SP140: variants seen among roughly 807,000 people sequenced by gnomAD.
SP140 encodes SP140 nuclear body protein.
In SP140, 81 loss-of-function variants were observed where a neutral mutation model predicts 125.0. That is an observed-to-expected ratio of 0.65 (90% confidence interval 0.54 to 0.78). The LOEUF (loss-of-function observed/expected upper bound fraction) is 0.78, where lower values mean the gene tolerates loss of function less well. SP140 is among the 30% of genes least tolerant of loss of function. The pLI is 0.00. For missense variants in SP140, 858 were observed against 1,037.0 expected, an observed-to-expected ratio of 0.83 and a Z score of 2.37; for synonymous variants, 312 against 354.0, an observed-to-expected ratio of 0.88 and a Z score of 1.33.
At chr2:230,277,945 T>G (rs2054967137) in intron 15 of SP140, among the ~76,000 whole-genome samples, 1 of 152,168 alleles carries the variant, frequency 6.6e-6, no homozygotes, top group Non-Finnish European at 1.5e-5. Flanking sequence ...AATGAACATG[T>G]GGATGCAGAT....
In SP140 at chr2:230,211,050, A is replaced by C. The variant is rs1044603152; in HGVS notation, c.-322-2604A>C. Among the ~76,000 whole-genome samples, 1 of 152,102 alleles carries C rather than the reference A, an allele frequency of 6.6e-6. No individual in the cohort carries two copies. The highest frequency in any genetic ancestry group is 2.4e-5 in the African/African-American group (1 of 41,436). Reference sequence around the variant, plus strand: ...AGCCGTTTTGAGCACTACTTTATTGAAGTGGCCTCAGAAGAGTGGCTCTGT... The same window carrying C: ...AGCCGTTTTGAGCACTACTTTATTGCAGTGGCCTCAGAAGAGTGGCTCTGT... On this transcript the variant is annotated intron_variant, in intron 1 of 4. Coordinates refer to the SP140 transcript ENST00000456542. This position sits in a 1 kb window ranked among gnomAD's most constrained non-coding sequence, Gnocchi z 4.2.
At chr2:230,289,288 C>T (rs984996247) in intron 18 of SP140, among the ~76,000 whole-genome samples, 2 of 152,102 alleles carry the variant, frequency 1.3e-5, no homozygotes, top group African/African-American at 2.4e-5. Flanking sequence ...CTGTTCATAT[C>T]CTTTGCCCAC....
chr2:230,312,735 C>A lies in SP140; in HGVS notation c.*51C>A, dbSNP rs1387611701. 1 of 1,385,548 alleles carries A rather than the reference C, an allele frequency of 7.2e-7. No individual in the cohort carries two copies. The highest frequency in any genetic ancestry group is 1.0e-6 in the Non-Finnish European group (1 of 977,040). The allele number at this position is 1,385,548 out of a possible 1,614,324, so 85.8% of individuals were successfully genotyped here. A position where few individuals can be genotyped will look rare whatever the true frequency, so the allele number is the denominator to read the frequency against. ...TCAGCAAATGGCACCCTAAAATATGCCGCTGGTTTGCCACTGACTTCAAAA... is the reference window on the plus strand; with the variant it reads ...TCAGCAAATGGCACCCTAAAATATGACGCTGGTTTGCCACTGACTTCAAAA... On this transcript the variant is annotated 3_prime_UTR_variant, in exon 27 of 27. Transcript: ENST00000392045.
intron 11 of SP140, among the ~76,000 whole-genome samples, chr2:230,254,218 C>A (rs551681968): frequency 6.6e-6 from 1 of 152,256 alleles, no homozygotes; most frequent in South Asian, 2.1e-4. Context: ...ATGAAGAGTG[C>A]AAACTATGTC....
intron 1 of SP140, among the ~76,000 whole-genome samples, chr2:230,204,056 G>T (rs1468377781): frequency 6.6e-6 from 1 of 152,126 alleles, no homozygotes; most frequent in African/African-American, 2.4e-5. Flanking sequence ...AAAATTAAAA[G>T]CACATCATCT....
the SP140 span, among the ~76,000 whole-genome samples, chr2:230,194,995 G>A: frequency 6.6e-6 from 1 of 152,062 alleles, no homozygotes. Flanking sequence ...GGTCAGGTGA[G>A]GGGCCTGATA....
chr2:230,275,931 G>A (rs1275738256), intron 15 of SP140, among the ~76,000 whole-genome samples: 1 of 152,134 alleles, frequency 6.6e-6, no homozygotes, highest in Admixed American at 6.5e-5. Context: ...CCAGAGTGAG[G>A]CCTAAACTCT....
At chr2:230,313,605 G>A (rs1445748663), downstream of SP140, among the ~76,000 whole-genome samples, 2 of 152,200 alleles carry the variant, frequency 1.3e-5, no homozygotes, top group Admixed American at 1.3e-4. Flanking sequence ...ACTCCCTTCT[G>A]AGCGAACCCT....
intron 15 of SP140, among the ~76,000 whole-genome samples, chr2:230,282,172 T>C (rs1484226377): frequency 1.3e-5 from 2 of 152,196 alleles, no homozygotes; most frequent in Non-Finnish European, 2.9e-5. Flanking sequence ...GCAAATCTCC[T>C]CTGGGGATCT....
At chr2:230,215,089 G>A (rs1399921775) in intron 3 of SP140, 1 of 1,613,806 alleles carries the variant, frequency 6.2e-7, no homozygotes, top group Admixed American at 1.7e-5. Flanking sequence ...TGGATACAGG[G>A]ATCAAATTTC....
chr2:230,225,175 G>C (rs538157796), upstream of SP140, among the ~76,000 whole-genome samples: 11 of 152,304 alleles, frequency 7.2e-5, no homozygotes, highest in South Asian at 1.7e-3. Context: ...ACCCCTGGCT[G>C]CTGTTGTAAA....
chr2:230,300,409 T>G (rs2058177935), intron 22 of SP140, among the ~76,000 whole-genome samples: 4 of 152,174 alleles, frequency 2.6e-5, no homozygotes, highest in Admixed American at 2.0e-4. Context: ...TTCACTCCCC[T>G]GCTACCTCCA....
intron 14 of SP140, 119 bp from the exon 15 acceptor site, chr2:230,270,467 G>A (rs935263754): frequency 8.6e-6 from 9 of 1,051,148 alleles, no homozygotes; most frequent in African/African-American, 8.2e-5. Context: ...AGAAGAAAGA[G>A]AGGAATGATT....
At chr2:230,275,199 T>C (rs13395963) in intron 15 of SP140, among the ~76,000 whole-genome samples, 2,148 of 152,286 alleles carry the variant, frequency 0.014, 53 homozygotes, top group African/African-American at 0.048. Context: ...TGTTATTCTT[T>C]TACGTTTCTT....
intron 1 of SP140, among the ~76,000 whole-genome samples, chr2:230,234,494 A>G (rs1448116616): frequency 6.6e-6 from 1 of 152,234 alleles, no homozygotes; most frequent in African/African-American, 2.4e-5. Flanking sequence ...TCATACGTGA[A>G]TCATTGAATA....
Position 230,237,010 on chromosome 2 carries a change from C to G in SP140, c.60-73C>G, listed in dbSNP as rs1221564145. On this transcript the variant is annotated intron_variant, in intron 1 of 26. Transcript: ENST00000392045. This position sits in a 1 kb window ranked among gnomAD's most constrained non-coding sequence, Gnocchi z 5.4. ...GCTCTCCATTGGCCATCCTTCATGT[C>G]TAAAATCTTCTAACCACCACAAACC... The G allele has an allele frequency of 2.4e-6, 3 of 1,262,258 alleles. No individual in the cohort carries two copies. In the African/African-American group the frequency reaches 4.6e-5, roughly 19 times the overall value. The allele number at this position is 1,262,258 out of a possible 1,614,324, so 78.2% of individuals were successfully genotyped here.
At chr2:230,269,205 A>G (rs1443454418) in intron 12 of SP140, among the ~76,000 whole-genome samples, 1 of 152,198 alleles carries the variant, frequency 6.6e-6, no homozygotes, top group African/African-American at 2.4e-5. Context: ...ATAAGTAGTC[A>G]GTGGCCAATT....
At chr2:230,225,245 C>T (rs1344702461), upstream of SP140, among the ~76,000 whole-genome samples, 1 of 152,214 alleles carries the variant, frequency 6.6e-6, no homozygotes, top group Non-Finnish European at 1.5e-5. Flanking sequence ...AACCTCAGCA[C>T]TTGCCTTTGG....
At chr2:230,253,832 G>A (rs537219708) in intron 11 of SP140, among the ~76,000 whole-genome samples, 25 of 152,330 alleles carry the variant, frequency 1.6e-4, no homozygotes, top group African/African-American at 4.3e-4. Flanking sequence ...TTGAATGCTT[G>A]CAATTGAGAA....
Sources: allele counts gnomAD v4.1 joint callset (sites outside exome capture counted in the v4.1 genomes callset), GRCh38; gene constraint gnomAD v4.1.1; non-coding constraint Gnocchi (gnomAD v3.1); transcripts MANE v1.5; gene names NCBI Gene and HGNC (gene_info 2026-07-23, HGNC 2026-07-21).